The following DNER variants were observed in gnomAD, a reference collection of about 807,000 sequenced individuals.
The protein encoded by DNER is delta/notch like EGF repeat containing.
A neutral mutation model predicts 78.2 loss-of-function variants in DNER; 33 were observed. That is an observed-to-expected ratio of 0.42 (90% CI 0.32 to 0.56). DNER has a LOEUF of 0.56. Ranked by LOEUF, DNER falls within the 20% of genes least tolerant of loss-of-function variation. DNER has a pLI of 0.11. For synonymous variants in DNER, 417 were observed against 384.8 expected (o/e 1.08, Z -0.98); for missense variants, 918 against 975.3 (o/e 0.94, Z 0.78).
At chr2:229,653,895 T>C (rs1257114661) in intron 1 of DNER, among the ~76,000 whole-genome samples, 2 of 152,206 alleles carry the variant, frequency 1.3e-5, no homozygotes, top group Admixed American at 1.3e-4. Flanking sequence ...TGGTGTAAGA[T>C]TAACCATGCT....
At chr2:229,563,692 C>T (rs865786014) in intron 4 of DNER, among the ~76,000 whole-genome samples, 7 of 147,550 alleles carry the variant, frequency 4.7e-5, no homozygotes, top group African/African-American at 7.5e-5. Flanking sequence ...ACCCCATCAC[C>T]GTCATCATCA....
At chr2:229,576,244 A>G (rs1697297896) in intron 4 of DNER, among the ~76,000 whole-genome samples, 1 of 151,894 alleles carries the variant, frequency 6.6e-6, no homozygotes, top group Non-Finnish European at 1.5e-5. Flanking sequence ...ACTTTCTTCA[A>G]CTGTTTTACC....
At chr2:229,672,482 G>A (rs1236341001) in intron 1 of DNER, among the ~76,000 whole-genome samples, 2 of 151,526 alleles carry the variant, frequency 1.3e-5, no homozygotes. Context: ...ATGGAGAGGG[G>A]AAAGGAGGGA....
chr2:229,566,079 G>A (rs1339318306), intron 4 of DNER, among the ~76,000 whole-genome samples: 2 of 152,124 alleles, frequency 1.3e-5, no homozygotes, highest in Non-Finnish European at 1.5e-5. Context: ...CTGTGTTGAT[G>A]TGAGGGGCAA....
intron 7 of DNER, among the ~76,000 whole-genome samples, chr2:229,460,463 C>T (rs971521633): frequency 4.6e-5 from 7 of 151,742 alleles, no homozygotes; most frequent in African/African-American, 1.7e-4. Context: ...ATTATTATTT[C>T]TTTTTAGAGC....
intron 8 of DNER, among the ~76,000 whole-genome samples, chr2:229,439,273 T>C (rs780996600): frequency 3.3e-5 from 5 of 152,186 alleles, no homozygotes; most frequent in Non-Finnish European, 4.4e-5. Flanking sequence ...GAACCTCATA[T>C]AAAAAGAATA....
At chr2:229,654,256 C>G (rs1698873804) in intron 1 of DNER, among the ~76,000 whole-genome samples, 1 of 152,180 alleles carries the variant, frequency 6.6e-6, no homozygotes, top group South Asian at 2.1e-4. Context: ...AGAATAGGAT[C>G]TAGAACTAGA....
Position 229,714,397 on chromosome 2 carries a change from G to A in DNER, c.27C>T (p.Pro9=), listed in dbSNP as rs1699962590. 13 of 1,176,694 alleles carry A rather than the reference G, an allele frequency of 1.1e-5. No individual in the cohort carries two copies. The highest frequency in any genetic ancestry group is 1.4e-5 in the Non-Finnish European group (13 of 955,742). 72.9% of individuals were successfully genotyped at this position (1,176,694 alleles called of 1,614,324 possible). The part of the protein sequence containing the change: MQPRRAQA[P]GAQLLPALAL... Reference sequence around the variant, plus strand: ...CCAGCGCGGGCAGCAGCTGCGCACCGGGCGCCTGGGCGCGGCGGGGCTGCA... The same window carrying A: ...CCAGCGCGGGCAGCAGCTGCGCACCAGGCGCCTGGGCGCGGCGGGGCTGCA... Residue 9 remains proline (P), a synonymous_variant, in exon 1 of 13, where the codon CCC becomes CCT. Coordinates refer to ENST00000341772, the MANE Select transcript of DNER (RefSeq NM_139072.4).
intron 8 of DNER, among the ~76,000 whole-genome samples, chr2:229,425,837 C>T (rs1693864240): frequency 6.6e-6 from 1 of 152,214 alleles, no homozygotes. Flanking sequence ...GCAAACAGGA[C>T]CTTCGAAGAC....
chr2:229,489,345 G>A (rs539584192), intron 6 of DNER, among the ~76,000 whole-genome samples: 21 of 152,338 alleles, frequency 1.4e-4, no homozygotes, highest in South Asian at 4.1e-4. Context: ...AGATGAGGGC[G>A]GCGAGCATAA....
chr2:229,465,408 C>T (rs763005294), intron 7 of DNER, among the ~76,000 whole-genome samples: 5 of 152,032 alleles, frequency 3.3e-5, no homozygotes, highest in Non-Finnish European at 5.9e-5. Flanking sequence ...GGGAAGGAAA[C>T]AGCACACAAT....
intron 6 of DNER, among the ~76,000 whole-genome samples, chr2:229,502,464 T>C (rs1377532027): frequency 1.3e-5 from 2 of 152,044 alleles, no homozygotes; most frequent in Non-Finnish European, 2.9e-5. Context: ...TGCCGATGGC[T>C]ATGGGGCAGA....
At chr2:229,601,890 A>C (rs952117441) in intron 1 of DNER, among the ~76,000 whole-genome samples, 1 of 152,184 alleles carries the variant, frequency 6.6e-6, no homozygotes, top group African/African-American at 2.4e-5. Context: ...ATTGTTCTTC[A>C]AAAACCTGAT....
chr2:229,652,914 C>T (rs1158118045), intron 1 of DNER, among the ~76,000 whole-genome samples: 2 of 152,148 alleles, frequency 1.3e-5, no homozygotes, highest in East Asian at 1.9e-4. Flanking sequence ...GGAGAGGCGG[C>T]GGCATGGGTA....
intron 11 of DNER, among the ~76,000 whole-genome samples, chr2:229,375,170 T>C (rs1574812578): frequency 6.6e-6 from 1 of 152,204 alleles, no homozygotes; most frequent in East Asian, 1.9e-4. Flanking sequence ...CCATCAGAGA[T>C]GGGAAATTTC....
At chr2:229,387,377 A>C (rs1465732253) in intron 11 of DNER, among the ~76,000 whole-genome samples, 3 of 151,986 alleles carry the variant, frequency 2.0e-5, no homozygotes, top group Non-Finnish European at 2.9e-5. Flanking sequence ...CGTAATGTAG[A>C]TAACAGGTTG....
intron 6 of DNER, among the ~76,000 whole-genome samples, chr2:229,481,172 G>T (rs533769995): frequency 1.5e-4 from 23 of 152,284 alleles, no homozygotes; most frequent in Non-Finnish European, 3.1e-4. Flanking sequence ...ACAGTTGCTT[G>T]GTGCGAGCGT....
intron 1 of DNER, among the ~76,000 whole-genome samples, chr2:229,668,779 A>G (rs1699155709): frequency 6.6e-6 from 1 of 151,670 alleles, no homozygotes; most frequent in Admixed American, 6.6e-5. Flanking sequence ...GTAGGAGTGT[A>G]AATTAGTTCA....
chr2:229,666,088 T>C (rs61029677), intron 1 of DNER, among the ~76,000 whole-genome samples: 7,164 of 152,286 alleles, frequency 0.047, 359 homozygotes, highest in African/African-American at 0.11. Flanking sequence ...TCCTATCGTA[T>C]TTCCCATTGT....
Sources: gnomAD v4.1 joint callset for allele counts (sites outside exome capture counted in the v4.1 genomes callset) on GRCh38, gnomAD v4.1.1 for gene constraint, MANE v1.5 for transcripts, NCBI Gene and HGNC (gene_info 2026-07-23, HGNC 2026-07-21) for gene names.